The following SLC35F1 variants were observed in gnomAD, a reference collection of about 807,000 sequenced individuals.
SLC35F1 encodes the protein solute carrier family 35 member F1, also known as chromosome 6 open reading frame 169.
A neutral mutation model predicts 48.7 loss-of-function variants in SLC35F1; 14 were observed. That is an observed-to-expected ratio of 0.29 (90% CI 0.19 to 0.45). The LOEUF is 0.45. Ranked by LOEUF, SLC35F1 falls within the 20% of genes least tolerant of loss-of-function variation. The pLI is 1.00. For synonymous variants in SLC35F1, 190 were observed against 202.2 expected (o/e 0.94, Z 0.51); for missense variants, 404 against 500.0 (o/e 0.81, Z 1.83).
chr6:118,141,718 T>C lies in SLC35F1; in HGVS notation c.174-12727T>C, dbSNP rs542223656. 2.7e-4 allele frequency among the ~76,000 whole-genome samples: 41 copies of C among 152,208 alleles called. 1 individual carries two copies. Among genetic ancestry groups the C allele is most frequent in the African/African-American group, 9.9e-4 (41 of 41,552 alleles). On this transcript the variant is annotated intron_variant, in intron 1 of 7. Transcript: ENST00000360388. ...GGCTCCACTTCCTAATACCACCACA[T>C]TGTGGGGGAGGTAGGATTTCAACAT...
chr6:118,007,714 A>T (rs1490875706), intron 1 of SLC35F1, among the ~76,000 whole-genome samples: 2 of 152,054 alleles, frequency 1.3e-5, no homozygotes, highest in Non-Finnish European at 2.9e-5. Context: ...ATTATCTCAC[A>T]TTTCTGTGGG....
chr6:118,055,120 G>A (rs1772445766), intron 1 of SLC35F1, among the ~76,000 whole-genome samples: 2 of 152,198 alleles, frequency 1.3e-5, no homozygotes, highest in African/African-American at 4.8e-5. Context: ...AGTATTGAAA[G>A]AGTATTTGGA....
Position 118,198,443 on chromosome 6 carries a change from C to A in SLC35F1, c.350-37066C>A, listed in dbSNP as rs553363492. Among the ~76,000 whole-genome samples, 15 of 152,228 alleles carry A rather than the reference C, an allele frequency of 9.9e-5. No individual in the cohort carries two copies. The South Asian group carries it at 2.1e-3, about 21-fold the overall frequency. ...AGGGGACAACAGGCAAACAGGAAGA[C>A]TTCCCTGAGCTATACATGAAAGATT... On this transcript the variant is annotated intron_variant, in intron 2 of 7. Coordinates refer to ENST00000360388, the MANE Select transcript of SLC35F1 (RefSeq NM_001029858.4).
chr6:117,935,719 C>T (rs757453041), intron 1 of SLC35F1, among the ~76,000 whole-genome samples: 5 of 152,024 alleles, frequency 3.3e-5, no homozygotes, highest in African/African-American at 4.8e-5. Context: ...CTAAAATGAC[C>T]GCAAAAAGAC....
chr6:118,089,653 T>A (rs1773044004), intron 1 of SLC35F1, among the ~76,000 whole-genome samples: 1 of 152,170 alleles, frequency 6.6e-6, no homozygotes, highest in Admixed American at 6.5e-5. Context: ...CTAACCTATT[T>A]TTTGCAATAG....
chr6:118,129,300 G>A (rs932421602), intron 1 of SLC35F1, among the ~76,000 whole-genome samples: 29 of 152,202 alleles, frequency 1.9e-4, no homozygotes, highest in Middle Eastern at 3.4e-3. Context: ...AGAATGGGGT[G>A]AGTGAGCATT....
chr6:117,923,460 T>C (rs1775928497), intron 1 of SLC35F1, among the ~76,000 whole-genome samples: 1 of 147,400 alleles, frequency 6.8e-6, no homozygotes, highest in South Asian at 2.1e-4. Flanking sequence ...TGTACTGGAA[T>C]AGAATGGAAA....
At chr6:117,981,228 T>C (rs1306153778) in intron 1 of SLC35F1, among the ~76,000 whole-genome samples, 1 of 152,136 alleles carries the variant, frequency 6.6e-6, no homozygotes, top group Non-Finnish European at 1.5e-5. Flanking sequence ...GAAATCCTGA[T>C]CTGGAGGGCA....
At chr6:117,940,479 A>G (rs946005904) in intron 1 of SLC35F1, among the ~76,000 whole-genome samples, 3 of 152,204 alleles carry the variant, frequency 2.0e-5, no homozygotes, top group African/African-American at 2.4e-5. Context: ...TGATCCAGCA[A>G]TCCCACATCT....
intron 1 of SLC35F1, among the ~76,000 whole-genome samples, chr6:117,988,944 GTATA>G (rs1400506664): frequency 5.9e-5 from 9 of 152,316 alleles, no homozygotes; most frequent in Admixed American, 3.9e-4. Context: ...TTTATGTTAT[GTATA>G]TTAATCAGAA....
intron 2 of SLC35F1, among the ~76,000 whole-genome samples, chr6:118,198,987 G>A (rs908560932): frequency 3.3e-5 from 5 of 152,192 alleles, no homozygotes; most frequent in Non-Finnish European, 7.3e-5. Flanking sequence ...TCCATGGTGA[G>A]CCAGTCCCCC....
intron 1 of SLC35F1, among the ~76,000 whole-genome samples, chr6:118,019,385 G>A (rs185268982): frequency 6.6e-6 from 1 of 152,012 alleles, no homozygotes; most frequent in Non-Finnish European, 1.5e-5. Context: ...ATTGATATAC[G>A]CTGAGGTGGG....
chr6:117,916,246 G>A (rs1445777051), intron 1 of SLC35F1, among the ~76,000 whole-genome samples: 1 of 152,198 alleles, frequency 6.6e-6, no homozygotes, highest in South Asian at 2.1e-4. Context: ...TTTAAGAATC[G>A]GGTCTTGTAT....
At position 117,938,400 on chromosome 6, in the gene SLC35F1, G is replaced by A. The variant is rs538537014; in HGVS notation, c.173+30501G>A. ...AACTCACTATTCGAAACCTTGATTT[G>A]TTCCAACAGAAGCTTATCTCTTCTG... On this transcript the variant is annotated intron_variant, in intron 1 of 7. Transcript: ENST00000360388. 9.2e-5 allele frequency among the ~76,000 whole-genome samples: 14 copies of A among 152,322 alleles called. No homozygotes were observed. The East Asian group carries it at 2.7e-3, about 29-fold the overall frequency.
intron 1 of SLC35F1, among the ~76,000 whole-genome samples, chr6:117,984,870 C>G (rs576442368): frequency 8.5e-4 from 129 of 152,338 alleles, no homozygotes; most frequent in African/African-American, 3.0e-3. Context: ...GGGAGAGTAA[C>G]TCACACATGT....
At chr6:118,103,990 C>T (rs535151072) in intron 1 of SLC35F1, among the ~76,000 whole-genome samples, 5 of 152,168 alleles carry the variant, frequency 3.3e-5, no homozygotes. Context: ...CATTGAAATG[C>T]TTCATATTCC....
chr6:117,957,914 TA>T (rs905709707), intron 1 of SLC35F1, among the ~76,000 whole-genome samples: 3 of 151,616 alleles, frequency 2.0e-5, no homozygotes, highest in South Asian at 2.1e-4. Flanking sequence ...ACTCCTACTT[TA>T]AAAAAAAAGT....
At chr6:118,032,310 A>G (rs185559478) in intron 1 of SLC35F1, among the ~76,000 whole-genome samples, 2 of 152,298 alleles carry the variant, frequency 1.3e-5, no homozygotes, top group Admixed American at 6.5e-5. Flanking sequence ...CCGTTTACAG[A>G]TATAAGGACA....
intron 1 of SLC35F1, among the ~76,000 whole-genome samples, chr6:118,016,852 C>A (rs1777329068): frequency 6.6e-6 from 1 of 152,190 alleles, no homozygotes; most frequent in South Asian, 2.1e-4. Context: ...GGAAAAGGCT[C>A]CAAGCCATCC....
Sources: allele counts gnomAD v4.1 joint callset (sites outside exome capture counted in the v4.1 genomes callset), GRCh38; gene constraint gnomAD v4.1.1; transcripts MANE v1.5; gene names NCBI Gene and HGNC (gene_info 2026-07-23, HGNC 2026-07-21).